Variants in FLG observed in about 807,000 individuals in gnomAD.
FLG encodes filaggrin, also known as epidermal filaggrin.
In FLG, 6 loss-of-function variants were observed where a neutral mutation model predicts 3.8. The observed-to-expected ratio is 1.60, with a 90% confidence interval of 0.87 to 3.15. The LOEUF (loss-of-function observed/expected upper bound fraction) is 3.15, where lower values mean the gene tolerates loss of function less well. FLG is among the 30% of genes most tolerant of loss of function. The probability of loss-of-function intolerance (pLI) is 0.00; values close to 1 mark genes in which losing one functional copy is unlikely to be tolerated. For missense variants in FLG, 7,595 were observed against 5,050.9 expected, an observed-to-expected ratio of 1.50 and a Z score of -15.27; for synonymous variants, 2,551 against 1,931.6, an observed-to-expected ratio of 1.32 and a Z score of -8.41.
rs201743884 is a variant in FLG at position 152,305,603 on chromosome 1, G to A, written c.9283C>T (p.Gln3095Ter). The A allele has an allele frequency of 1.3e-6, 2 of 1,499,170 alleles. No homozygotes were observed. The highest frequency in any genetic ancestry group is 2.6e-5 in the East Asian group (1 of 38,276). 92.9% of individuals were successfully genotyped at this position (1,499,170 alleles called of 1,614,324 possible). Residue 3095 changes from glutamine (Q) to a stop codon, truncating the protein, a stop_gained, in exon 3 of 3, where the codon CAA becomes TAA. Transcript: ENST00000368799. LOFTEE classifies it low-confidence loss of function (END_TRUNC). ...GRQGSRHEQA[Q>*]DSSRHSASQY... ...GATGCTGAGTGCCTGGAGCTGTCTT[G>A]TGCCTGCTCATGGCGGGATCCTTGT... is the stretch of plus-strand genomic sequence containing the variant.
In FLG at chr1:152,309,160, C is replaced by T; in HGVS notation, c.5726G>A (p.Arg1909Lys). The change falls in exon 3 of 3, where the codon AGG becomes AAG. Residue 1909 changes from arginine (R) to lysine (K), a missense_variant. Coordinates refer to ENST00000368799, the MANE Select transcript of FLG (RefSeq NM_002016.2). ...QVGQGQSSGP[R>K]TSRNQGSSVS... ...ACTGGATCCCTGGTTCCTGCTTGTCCTGGGCCCTGATGATTGTCCCTGGCC... is the reference window on the plus strand; with the variant it reads ...ACTGGATCCCTGGTTCCTGCTTGTCTTGGGCCCTGATGATTGTCCCTGGCC... 2 of 1,613,580 alleles carry T rather than the reference C, an allele frequency of 1.2e-6. No individual in the cohort carries two copies. Among genetic ancestry groups the T allele is most frequent in the East Asian group, 2.2e-5 (1 of 44,816 alleles).
At position 152,305,304 on chromosome 1, in the gene FLG, G is replaced by C. The variant is rs375627425; in HGVS notation, c.9582C>G (p.His3194Gln). Residue 3194 changes from histidine to glutamine, a missense_variant, in exon 3 of 3, where the codon CAC (histidine) becomes CAG (glutamine). Physicochemically the swap from His to Gln is conservative, Grantham distance 24. Transcript: ENST00000368799. ...EASTHADISR[H>Q]SQAVQGQSEG... Reference sequence around the variant, plus strand: ...CTGATTGTCCCTGGACTGCCTGTGAGTGTCTAGAGATGTCGGCATGAGTGG... The same window carrying C: ...CTGATTGTCCCTGGACTGCCTGTGACTGTCTAGAGATGTCGGCATGAGTGG... 2 of 1,611,372 alleles carry C rather than the reference G, an allele frequency of 1.2e-6. No individual in the cohort carries two copies. The highest frequency in any genetic ancestry group is 2.7e-5 in the African/African-American group (2 of 74,030).
In FLG at chr1:152,303,907, C is replaced by G; in HGVS notation, c.10979G>C (p.Ser3660Thr). 1 of 1,613,950 alleles carries G rather than the reference C, an allele frequency of 6.2e-7. No homozygotes were observed. Among genetic ancestry groups the G allele is most frequent in the Non-Finnish European group, 8.5e-7 (1 of 1,179,986 alleles). Residue 3660 changes from serine (S) to threonine (T), a missense_variant, in exon 3 of 3, where the codon AGT becomes ACT. Transcript: ENST00000368799. ...AVRDSGHRGS[S>T]GSQASDSEGH... ...CTCACTGTCACTGGCCTGACTACCA[C>G]TGGACCCTCGGTGTCCACTGTCTCT...
At chr1:152,315,949 C>A (rs1221585933) in intron 1 of FLG, among the ~76,000 whole-genome samples, 1 of 152,116 alleles carries the variant, frequency 6.6e-6, no homozygotes, top group African/African-American at 2.4e-5. Context: ...AAAGTTCATT[C>A]AATTTTTTAT....
At position 152,308,892 on chromosome 1, in the gene FLG, T is replaced by C; in HGVS notation, c.5994A>G (p.Arg1998=). ...ATCCATGTCTTTCTCCTGCACTTGA[T>C]CTTGCCTGTTCATGGGATGACGCAG... is the stretch of plus-strand genomic sequence containing the variant. ...GQAASSHEQA[R]SSAGERHGSH... Residue 1998 remains arginine, a synonymous_variant, in exon 3 of 3, where the codon AGA becomes AGG. Transcript: ENST00000368799. 1.2e-6 allele frequency: 2 copies of C among 1,614,144 alleles called. No homozygotes were observed. Among genetic ancestry groups the C allele is most frequent in the Non-Finnish European group, 1.7e-6 (2 of 1,179,990 alleles).
Position 152,306,568 on chromosome 1 carries a change from C to A in FLG, c.8318G>T (p.Ser2773Ile), listed in dbSNP as rs755462597. The change falls in exon 3 of 3, where the codon AGC (serine) becomes ATC (isoleucine). Residue 2773 changes from serine (S) to isoleucine (I), a missense_variant. Coordinates refer to ENST00000368799, the MANE Select transcript of FLG (RefSeq NM_002016.2). Reference sequence around the variant, plus strand: ...GTCTTGGGATGCTGAGTGCCTGGAGCTGTCTTGTGCCTGCTCATGGCGGGA... The same window carrying A: ...GTCTTGGGATGCTGAGTGCCTGGAGATGTCTTGTGCCTGCTCATGGCGGGA... ...QGSRHEQAQD[S>I]SRHSASQDGQ... is the part of the protein sequence containing the mutation. The A allele has an allele frequency of 6.2e-7, 1 of 1,610,618 alleles. No individual in the cohort carries two copies. Among genetic ancestry groups the A allele is most frequent in the East Asian group, 2.2e-5 (1 of 44,892 alleles).
chr1:152,312,186 T>A lies in FLG; in HGVS notation c.2700A>T (p.Glu900Asp). The change falls in exon 3 of 3, where the codon GAA becomes GAT. Residue 900 changes from glutamate (E) to aspartate (D), a missense_variant. Transcript: ENST00000368799. ...RSASRTTRNE[E>D]QSRDGSRHSG... ...AGTGCCTGGAGCCGTCTCTTGATTGTTCCTCATTACGTGTTGTTCTGCTTG... is the reference window on the plus strand; with the variant it reads ...AGTGCCTGGAGCCGTCTCTTGATTGATCCTCATTACGTGTTGTTCTGCTTG... 1 of 1,613,354 alleles carries A rather than the reference T, an allele frequency of 6.2e-7. No homozygotes were observed. The highest frequency in any genetic ancestry group is 8.5e-7 in the Non-Finnish European group (1 of 1,179,886).
rs566385071 is a variant in FLG at position 152,309,255 on chromosome 1, G to T, written c.5631C>A (p.Gly1877=). Residue 1877 remains glycine, a synonymous_variant, in exon 3 of 3, where the codon GGC becomes GGA. Transcript: ENST00000368799. ...GGTGACGCGACCCTGAGTGCCTGGAGCCGTCTCCTGATTGTTTCTCATTAC... is the reference window on the plus strand; with the variant it reads ...GGTGACGCGACCCTGAGTGCCTGGATCCGTCTCCTGATTGTTTCTCATTAC... ...QTRNEKQSGD[G]SRHSGSRHHE... 2 of 1,613,628 alleles carry T rather than the reference G, an allele frequency of 1.2e-6. No homozygotes were observed. Among genetic ancestry groups the T allele is most frequent in the East Asian group, 4.5e-5 (2 of 44,810 alleles).
chr1:152,317,561 G>A (rs1269155256), intron 1 of FLG, among the ~76,000 whole-genome samples: 1 of 151,866 alleles, frequency 6.6e-6, no homozygotes, highest in East Asian at 1.9e-4. Flanking sequence ...CAACCTCAAT[G>A]GCCACTTTTT....
chr1:152,315,144 T>C (rs567653863), intron 2 of FLG, among the ~76,000 whole-genome samples, 175 bp downstream of exon 2: 1 of 152,266 alleles, frequency 6.6e-6, no homozygotes, highest in East Asian at 1.9e-4. Flanking sequence ...GTCTTTATGT[T>C]TATAATATAC....
rs749638368 is a variant in FLG at position 152,313,209 on chromosome 1, A to G, written c.1677T>C (p.His559=). The G allele has an allele frequency of 3.7e-6, 6 of 1,613,752 alleles. No individual in the cohort carries two copies. Among genetic ancestry groups the G allele is most frequent in the Non-Finnish European group, 5.1e-6 (6 of 1,179,978 alleles). Reference sequence around the variant, plus strand: ...TTGCACTTCTGGATCCTGACTGCCCATGGGAGGCATCAGACCTTCCCTGGG... The same window carrying G: ...TTGCACTTCTGGATCCTGACTGCCCGTGGGAGGCATCAGACCTTCCCTGGG... The part of the protein sequence containing the change: ...TTSQGRSDAS[H]GQSGSRSASR... The change falls in exon 3 of 3, where the codon CAT becomes CAC. Residue 559 remains histidine (H), a synonymous_variant. Coordinates refer to ENST00000368799, the MANE Select transcript of FLG (RefSeq NM_002016.2).
Position 152,309,542 on chromosome 1 carries a change from T to C in FLG, c.5344A>G (p.Thr1782Ala). 1 of 1,613,816 alleles carries C rather than the reference T, an allele frequency of 6.2e-7. No individual in the cohort carries two copies. The highest frequency in any genetic ancestry group is 1.1e-5 in the South Asian group (1 of 91,056). The change falls in exon 3 of 3, where the codon ACA becomes GCA. Residue 1782 changes from threonine to alanine, a missense_variant. Thr to Ala is a moderately conservative substitution (Grantham distance 58). Transcript: ENST00000368799. ...TGTCTTCCTCCAGTGCTGGGCCCTG[T>C]GCGTCCATGGGCGGACTCAGACTGT... is the stretch of plus-strand genomic sequence containing the variant. ...HEQSESAHGR[T>A]GPSTGGRQRS...
At position 152,310,018 on chromosome 1, in the gene FLG, C is replaced by T. The variant is rs201196640; in HGVS notation, c.4868G>A (p.Arg1623Gln). The T allele has an allele frequency of 2.4e-5, 39 of 1,613,726 alleles. No individual in the cohort carries two copies. The African/African-American group carries it at 2.7e-4, about 11-fold the overall frequency. ...SASRNHYGSA[R>Q]EQSRHGSRNP... ...CCTGGAGCCATGTCTTGACTGCTCC[C>T]GAGCAGATCCATAATGGTTTCTGGA... The change falls in exon 3 of 3, where the codon CGG becomes CAG. Residue 1623 changes from arginine (R) to glutamine (Q), a missense_variant. By Grantham distance (43) the Arg-to-Gln change is conservative. Coordinates refer to ENST00000368799, the MANE Select transcript of FLG (RefSeq NM_002016.2).
In FLG at chr1:152,306,115, C is replaced by G. The variant is rs1651943037; in HGVS notation, c.8771G>C (p.Arg2924Thr). The G allele has an allele frequency of 1.3e-6, 2 of 1,599,690 alleles. No individual in the cohort carries two copies. The highest frequency in any genetic ancestry group is 1.6e-4 in the Middle Eastern group (1 of 6,080). Residue 2924 changes from arginine to threonine, a missense_variant, in exon 3 of 3, where the codon AGA (arginine) becomes ACA (threonine). Coordinates refer to ENST00000368799, the MANE Select transcript of FLG (RefSeq NM_002016.2). ...GGACCTGGGGTGTCTGGAGCCATCTCTTAGCTGCTCCTGAGCAGATCCATG... is the reference window on the plus strand; with the variant it reads ...GGACCTGGGGTGTCTGGAGCCATCTGTTAGCTGCTCCTGAGCAGATCCATG... ...NHHGSAQEQL[R>T]DGSRHPRSHQ... is the part of the protein sequence containing the mutation.
At position 152,312,120 on chromosome 1, in the gene FLG, G is replaced by C. The variant is rs1652486838; in HGVS notation, c.2766C>G (p.Ile922Met). ...CCTGGCCTGCCTGTGAGTGTCTAGA[G>C]ATGTCGGCATGAGAGGAAGCTTCAT... is the stretch of plus-strand genomic sequence containing the variant. The part of the protein sequence containing the change: ...RHHEASSHAD[I>M]SRHSQAGQGQ... Residue 922 changes from isoleucine to methionine, a missense_variant, in exon 3 of 3, where the codon ATC (isoleucine) becomes ATG (methionine). Transcript: ENST00000368799. The C allele has an allele frequency of 2.5e-6, 4 of 1,614,122 alleles. No individual in the cohort carries two copies. The highest frequency in any genetic ancestry group is 1.1e-5 in the South Asian group (1 of 91,070).
chr1:152,324,741 C>G (rs1029655609), intron 1 of FLG, among the ~76,000 whole-genome samples: 2 of 151,666 alleles, frequency 1.3e-5, no homozygotes, highest in African/African-American at 4.8e-5. Context: ...CCATTATGAC[C>G]CAGGGAAGCC....
chr1:152,304,559 T>G lies in FLG; in HGVS notation c.10327A>C (p.Arg3443=). 6.2e-7 allele frequency: 1 copy of G among 1,602,190 alleles called. No individual in the cohort carries two copies. Among genetic ancestry groups the G allele is most frequent in the Admixed American group, 1.7e-5 (1 of 59,102 alleles). Residue 3443 remains arginine, a synonymous_variant, in exon 3 of 3, where the codon AGA becomes CGA. Coordinates refer to ENST00000368799, the MANE Select transcript of FLG (RefSeq NM_002016.2). The part of the protein sequence containing the change: ...TIRGHPGSSR[R]GRQGSHYEQS... The stretch of plus-strand genomic sequence containing the variant: ...TCGTAGTGGGATCCCTGCCTTCCTC[T>G]TCTGCTTGACCCCGGGTGTCCACGA...
At position 152,313,192 on chromosome 1, in the gene FLG, C is replaced by G. The variant is rs766436324; in HGVS notation, c.1694G>C (p.Arg565Thr). 38 of 1,613,902 alleles carry G rather than the reference C, an allele frequency of 2.4e-5. No homozygotes were observed. The highest frequency in any genetic ancestry group is 3.2e-5 in the Non-Finnish European group (38 of 1,180,010). ...SDASHGQSGS[R>T]SASRQTRNEE... ...ATTTCGTGTTTGTCTGCTTGCACTT[C>G]TGGATCCTGACTGCCCATGGGAGGC... is the stretch of plus-strand genomic sequence containing the variant. The change falls in exon 3 of 3, where the codon AGA (arginine) becomes ACA (threonine). Residue 565 changes from arginine (R) to threonine (T), a missense_variant. Coordinates refer to ENST00000368799, the MANE Select transcript of FLG (RefSeq NM_002016.2).
chr1:152,309,634 G>T lies in FLG; in HGVS notation c.5252C>A (p.Thr1751Lys), dbSNP rs376831370. 5 of 1,614,002 alleles carry T rather than the reference G, an allele frequency of 3.1e-6. No homozygotes were observed. The African/African-American group carries it at 6.7e-5, about 22-fold the overall frequency. ...GPHQQSHQES[T>K]RGQSGERSGR... ...AGACCTTTCCCCTGACTGGCCACGT[G>T]TGGACTCTTGGTGGCTCTGCTGATG... Residue 1751 changes from threonine (T) to lysine (K), a missense_variant, in exon 3 of 3, where the codon ACA becomes AAA. Physicochemically the swap from Thr to Lys is moderately conservative, Grantham distance 78. Transcript: ENST00000368799.
Sources: allele counts gnomAD v4.1 joint callset (sites outside exome capture counted in the v4.1 genomes callset), GRCh38; gene constraint gnomAD v4.1.1; transcripts MANE v1.5; gene names NCBI Gene and HGNC (gene_info 2026-07-23, HGNC 2026-07-21).